The following MACF1 variants were observed in gnomAD, a reference collection of about 807,000 sequenced individuals.
MACF1 encodes microtubule-actin cross-linking factor 1.
Under a neutral mutation model 854.8 loss-of-function variants are expected in MACF1, and 193 were observed. That is an observed-to-expected ratio of 0.23 (90% CI 0.20 to 0.25). The LOEUF is 0.25. Ranked by LOEUF, MACF1 falls within the 10% of genes least tolerant of loss-of-function variation. MACF1 has a pLI of 1.00. For synonymous variants in MACF1, 3,185 were observed against 3,226.7 expected (o/e 0.99, Z 0.44); for missense variants, 7,722 against 8,929.1 (o/e 0.86, Z 5.45).
intron 23 of MACF1, among the ~76,000 whole-genome samples, chr1:39,306,157 A>G (rs972250520): frequency 6.8e-6 from 1 of 147,626 alleles, no homozygotes; most frequent in Non-Finnish European, 1.5e-5. Context: ...TACTTTCTTT[A>G]CTTTTTTTTT....
At chr1:39,163,731 G>A (rs1409516326) in intron 2 of MACF1, among the ~76,000 whole-genome samples, 1 of 152,154 alleles carries the variant, frequency 6.6e-6, no homozygotes, top group Non-Finnish European at 1.5e-5. Context: ...ACCACATACA[G>A]TCAAGCAGGA....
chr1:39,326,310 A>G (rs768394658), intron 35 of MACF1, among the ~76,000 whole-genome samples: 6 of 152,204 alleles, frequency 3.9e-5, no homozygotes, highest in Non-Finnish European at 8.8e-5. Context: ...ACCTTTGGGA[A>G]GAAAGGGAAA....
chr1:39,454,607 C>T (rs911176495), intron 88 of MACF1, among the ~76,000 whole-genome samples: 13 of 152,054 alleles, frequency 8.5e-5, no homozygotes, highest in African/African-American at 2.4e-5. Context: ...TCAAGACAAG[C>T]CTGGGCAACA....
At position 39,439,365 on chromosome 1, in the gene MACF1, T is replaced by C; in HGVS notation, c.18312T>C (p.Leu6104=). Residue 6104 remains leucine, a synonymous_variant, in exon 72 of 101, where the codon CTT becomes CTC. Coordinates refer to ENST00000564288, the MANE Select transcript of MACF1 (RefSeq NM_001394062.1). The part of the protein sequence containing the change: ...EEREIKFLDV[L]ELAEKFWYDM... ...GAGAAATCAAATTTCTTGATGTCCT[T>C]GAATTAGCAGAGAAGTTCTGGTATG... is the stretch of plus-strand genomic sequence containing the variant. 1 of 1,614,070 alleles carries C rather than the reference T, an allele frequency of 6.2e-7. No homozygotes were observed. The highest frequency in any genetic ancestry group is 1.1e-5 in the South Asian group (1 of 91,070).
chr1:39,297,350 CAA>C (rs1023445398), intron 20 of MACF1, among the ~76,000 whole-genome samples: 1 of 152,148 alleles, frequency 6.6e-6, no homozygotes, highest in African/African-American at 2.4e-5. Flanking sequence ...AGCCAGAAGT[CAA>C]GAGGAAAGAG....
intron 2 of MACF1, among the ~76,000 whole-genome samples, chr1:39,134,196 A>G (rs1373528643): frequency 1.6e-5 from 2 of 126,680 alleles, no homozygotes; most frequent in Non-Finnish European, 3.5e-5. Context: ...GCCCGCCACC[A>G]CGCCCGGCTA....
Position 39,441,117 on chromosome 1 carries a change from A to G in MACF1, c.18562A>G (p.Ile6188Val). 1 of 1,614,218 alleles carries G rather than the reference A, an allele frequency of 6.2e-7. No individual in the cohort carries two copies. Among genetic ancestry groups the G allele is most frequent in the Non-Finnish European group, 8.5e-7 (1 of 1,180,038 alleles). ...TGAGAAGCCTGAAGTGAGGAAGAGC[A>G]TTGATGAGGTGTGGAGAAATGGATG... ...ETEKPEVRKS[I>V]DEMNNAWENL... Residue 6188 changes from isoleucine (I) to valine (V), a missense_variant, in exon 73 of 101, where the codon ATT (isoleucine) becomes GTT (valine). Around this residue, in one of 15 missense-constraint regions of MACF1, gnomAD observed 2,807 missense variants for 3,235.8 expected, o/e 0.87. Coordinates refer to ENST00000564288, the MANE Select transcript of MACF1 (RefSeq NM_001394062.1).
Position 39,331,408 on chromosome 1 carries a change from A to G in MACF1, c.4820A>G (p.Gln1607Arg), listed in dbSNP as rs1229946581. 1.9e-6 allele frequency: 3 copies of G among 1,613,896 alleles called. No homozygotes were observed. The highest frequency in any genetic ancestry group is 2.7e-5 in the African/African-American group (2 of 74,862). Residue 1607 changes from glutamine (Q) to arginine (R), a missense_variant, in exon 37 of 101, where the codon CAG becomes CGG. Around this residue, in one of 15 missense-constraint regions of MACF1, gnomAD observed 1,531 missense variants for 1,601.6 expected, o/e 0.96. Coordinates refer to ENST00000564288, the MANE Select transcript of MACF1 (RefSeq NM_001394062.1). ...ATAGCCAGAAACCTCATTAATCCCC[A>G]GATGTACCAGCAGCTCCGGGAGCTA... ...EGIARNLINP[Q>R]MYQQLRELQD...
intron 93 of MACF1, among the ~76,000 whole-genome samples, chr1:39,462,779 A>G (rs1644581521): frequency 6.6e-6 from 1 of 152,198 alleles, no homozygotes; most frequent in Non-Finnish European, 1.5e-5. Flanking sequence ...TATACCCATC[A>G]TGCTTTCTGC....
chr1:39,421,194 C>T (rs1163971337), intron 58 of MACF1, among the ~76,000 whole-genome samples: 1 of 152,152 alleles, frequency 6.6e-6, no homozygotes, highest in African/African-American at 2.4e-5. Flanking sequence ...GCAGAAGTAC[C>T]ATTCTCTTCT....
rs568441486 is a variant in MACF1 at position 39,318,975 on chromosome 1, G to T, written c.3945+360G>T. ...AGAAGAAAATGATTCTTTTTTTTTTGAAAATGATTTATTTTAAGCATTTTT... is the reference window on the plus strand; with the variant it reads ...AGAAGAAAATGATTCTTTTTTTTTTTAAAATGATTTATTTTAAGCATTTTT... On this transcript the variant is annotated intron_variant, in intron 30 of 100. Coordinates refer to ENST00000564288, the MANE Select transcript of MACF1 (RefSeq NM_001394062.1). Among the ~76,000 whole-genome samples, 25 of 149,372 alleles carry T rather than the reference G, an allele frequency of 1.7e-4. No homozygotes were observed. In the East Asian group the frequency reaches 2.2e-3, roughly 13 times the overall value.
chr1:39,440,217 A>T (rs1644083028), intron 72 of MACF1, among the ~76,000 whole-genome samples: 1 of 147,580 alleles, frequency 6.8e-6, no homozygotes, highest in Non-Finnish European at 1.5e-5. Context: ...GGCTCAAGCA[A>T]TCCAGCCACC....
At chr1:39,122,946 G>A (rs1238467060) in intron 2 of MACF1, among the ~76,000 whole-genome samples, 1 of 150,778 alleles carries the variant, frequency 6.6e-6, no homozygotes, top group Admixed American at 6.6e-5. Context: ...GCCTACCTTA[G>A]AAAGGAGGGT....
At chr1:39,186,073 A>C (rs1350077352) in intron 2 of MACF1, among the ~76,000 whole-genome samples, 2 of 152,060 alleles carry the variant, frequency 1.3e-5, no homozygotes, top group South Asian at 2.1e-4. Context: ...GCCTTTAATC[A>C]TGAGGTAGAG....
rs1356208133 is a variant in MACF1, at chr1:39,481,013, C to T, written c.22264C>T (p.Gln7422Ter). Residue 7422 changes from glutamine to a stop codon, truncating the protein, a stop_gained, in exon 99 of 101, where the codon CAG becomes TAG. Transcript: ENST00000564288. LOFTEE classifies it high-confidence loss of function. ...PIRDSHSPDL[Q>*]LPTPEVIPSS... is the part of the protein sequence containing the mutation. ...CAGGGACAGCCATTCTCCTGACCTC[C>T]AGCTGCCCACCCCCGAGGTAGAGTA... 6.5e-7 allele frequency: 1 copy of T among 1,550,078 alleles called. No homozygotes were observed. Among genetic ancestry groups the T allele is most frequent in the South Asian group, 1.2e-5 (1 of 84,040 alleles).
chr1:39,332,891 C>A lies in MACF1; in HGVS notation c.6303C>A (p.Val2101=). ...NIDALKVINK[V]KLEVQRQLIG... is the part of the protein sequence containing the mutation. ...ATGCTTTGAAGGTAATAAATAAAGT[C>A]AAATTAGAGGTACAAAGGCAGTTGA... is the stretch of plus-strand genomic sequence containing the variant. Residue 2101 remains valine, a synonymous_variant, in exon 37 of 101, where the codon GTC becomes GTA. Coordinates refer to ENST00000564288, the MANE Select transcript of MACF1 (RefSeq NM_001394062.1). The A allele has an allele frequency of 6.2e-7, 1 of 1,613,998 alleles. No homozygotes were observed. Among genetic ancestry groups the A allele is most frequent in the South Asian group, 1.1e-5 (1 of 91,042 alleles).
intron 56 of MACF1, 70 bp from the exon 57 acceptor site, chr1:39,385,363 TG>T (rs1268410436): frequency 2.6e-6 from 4 of 1,533,168 alleles, no homozygotes; most frequent in Non-Finnish European, 3.5e-6. Flanking sequence ...CCACTGTGCC[TG>T]GCCTGACACT....
At chr1:39,212,568 T>A (rs1644529203) in intron 1 of MACF1, among the ~76,000 whole-genome samples, 1 of 152,224 alleles carries the variant, frequency 6.6e-6, no homozygotes, top group African/African-American at 2.4e-5. Context: ...TTCTAGAAGT[T>A]GCCACATGTG....
At chr1:39,288,043 G>T (rs1418897534) in intron 15 of MACF1, among the ~76,000 whole-genome samples, 2 of 151,706 alleles carry the variant, frequency 1.3e-5, no homozygotes, top group South Asian at 2.1e-4. Context: ...TTTTTTGTGG[G>T]TACATAGAAG....
Sources: gnomAD v4.1 joint callset for allele counts (sites outside exome capture counted in the v4.1 genomes callset) on GRCh38, gnomAD v4.1.1 for gene constraint, gnomAD v4.1.1 regional missense constraint, MANE v1.5 for transcripts, NCBI Gene and HGNC (gene_info 2026-07-23, HGNC 2026-07-21) for gene names.